The following CDH8 variants were observed in gnomAD, a reference collection of about 807,000 sequenced individuals.
CDH8 encodes cadherin-8.
Under a neutral mutation model 68.1 loss-of-function variants are expected in CDH8, and 17 were observed. The observed-to-expected ratio is 0.25, with a 90% confidence interval of 0.17 to 0.37. The LOEUF (loss-of-function observed/expected upper bound fraction) is 0.37, where lower values mean the gene tolerates loss of function less well. Ranked by LOEUF, CDH8 falls within the 10% of genes least tolerant of loss-of-function variation. The probability of loss-of-function intolerance (pLI) is 1.00; values close to 1 mark genes in which losing one functional copy is unlikely to be tolerated. For synonymous variants in CDH8, 372 were observed against 365.1 expected, an observed-to-expected ratio of 1.02 and a Z score of -0.21; for missense variants, 763 against 999.3, an observed-to-expected ratio of 0.76 and a Z score of 3.19.
At chr16:61,757,359 T>G (rs2142960595) in intron 8 of CDH8, among the ~76,000 whole-genome samples, 1 of 152,176 alleles carries the variant, frequency 6.6e-6, no homozygotes, top group African/African-American at 2.4e-5. Flanking sequence ...TTAAGGTATT[T>G]AAGATGTATT....
At chr16:61,668,683 A>C (rs28481959) in intron 10 of CDH8, among the ~76,000 whole-genome samples, 1 of 151,542 alleles carries the variant, frequency 6.6e-6, no homozygotes, top group Non-Finnish European at 1.5e-5. Context: ...AAAAAAAACA[A>C]ACACACACCA....
intron 2 of CDH8, among the ~76,000 whole-genome samples, chr16:62,010,620 T>G (rs2150603800): frequency 6.6e-6 from 1 of 152,324 alleles, no homozygotes; most frequent in South Asian, 2.1e-4. Context: ...GATACTATCA[T>G]TTTATTCAGG....
intron 10 of CDH8, among the ~76,000 whole-genome samples, chr16:61,663,387 C>A (rs1963606537): frequency 6.6e-6 from 1 of 151,970 alleles, no homozygotes; most frequent in Non-Finnish European, 1.5e-5. Context: ...ATGCTAAAGG[C>A]AGTCATCTTA....
At chr16:62,023,160 A>G (rs1179190595) in intron 1 of CDH8, among the ~76,000 whole-genome samples, 1 of 152,084 alleles carries the variant, frequency 6.6e-6, no homozygotes, top group Non-Finnish European at 1.5e-5. Context: ...AACTAAACAA[A>G]ATTCAAAAAG....
At chr16:61,762,849 T>G (rs1027874601) in intron 8 of CDH8, among the ~76,000 whole-genome samples, 5 of 152,182 alleles carry the variant, frequency 3.3e-5, no homozygotes, top group African/African-American at 4.8e-5. Context: ...ATGTAGAATC[T>G]GCACCCCAAA....
At chr16:61,675,750 A>C (rs1963894889) in intron 10 of CDH8, among the ~76,000 whole-genome samples, 1 of 151,736 alleles carries the variant, frequency 6.6e-6, no homozygotes, top group South Asian at 2.1e-4. Context: ...ATGAGAGCAT[A>C]AAGATGTCTA....
chr16:61,913,352 G>A (rs931570613), intron 2 of CDH8, among the ~76,000 whole-genome samples: 1 of 152,102 alleles, frequency 6.6e-6, no homozygotes, highest in African/African-American at 2.4e-5. Flanking sequence ...TTCAATTAGG[G>A]ATGCTCAATT....
intron 10 of CDH8, among the ~76,000 whole-genome samples, chr16:61,706,229 C>T (rs16963871): frequency 0.12 from 17,865 of 152,150 alleles, 1,192 homozygotes; most frequent in South Asian, 0.17. Flanking sequence ...GAAGCCAATA[C>T]CTGAGTTATT....
At chr16:61,989,229 T>G (rs560368280) in intron 2 of CDH8, among the ~76,000 whole-genome samples, 16 of 152,342 alleles carry the variant, frequency 1.1e-4, no homozygotes, top group African/African-American at 3.6e-4. Context: ...CAAATTTGTA[T>G]TCTTTGGCAA....
chr16:61,994,274 C>T (rs1323551493), intron 2 of CDH8, among the ~76,000 whole-genome samples: 2 of 152,070 alleles, frequency 1.3e-5, no homozygotes. Flanking sequence ...TTAAATTTTG[C>T]TTCTAAAAAG....
At chr16:62,015,788 T>A (rs1003503277) in intron 2 of CDH8, among the ~76,000 whole-genome samples, 2 of 152,080 alleles carry the variant, frequency 1.3e-5, no homozygotes, top group Non-Finnish European at 2.9e-5. Flanking sequence ...CCAGAAAGCT[T>A]CCTTGCCCTC....
chr16:61,655,984 T>G (rs1963439927), intron 10 of CDH8, among the ~76,000 whole-genome samples: 1 of 151,758 alleles, frequency 6.6e-6, no homozygotes, highest in Non-Finnish European at 1.5e-5. Context: ...GCCATTCTCC[T>G]GCCTCAGCCT....
chr16:61,857,391 T>C (rs545305720), intron 3 of CDH8, among the ~76,000 whole-genome samples, 153 bp from the exon 4 acceptor site: 1 of 152,290 alleles, frequency 6.6e-6, no homozygotes, highest in African/African-American at 2.4e-5. Flanking sequence ...TGCTCTCTCA[T>C]AACTTCAACA....
chr16:61,649,984 G>A lies in CDH8; in HGVS notation c.*3624C>T, dbSNP rs1963284869. On this transcript the variant is annotated 3_prime_UTR_variant, in exon 12 of 12. Transcript: ENST00000577390. ...CTTTCTAAGCATTCTTGCTTCACTG[G>A]TGATACCAGTAAATCTAAGTTTCCT... 1 of 151,914 alleles carries A rather than the reference G, an allele frequency of 6.6e-6. No individual in the cohort carries two copies. The highest frequency in any genetic ancestry group is 2.4e-5 in the African/African-American group (1 of 41,362). 9.4% of individuals were successfully genotyped at this position (151,914 alleles called of 1,614,324 possible). A position where few individuals can be genotyped will look rare whatever the true frequency, so the allele number is the denominator to read the frequency against.
chr16:61,722,888 T>G (rs958165540), intron 9 of CDH8, among the ~76,000 whole-genome samples: 1 of 150,638 alleles, frequency 6.6e-6, no homozygotes, highest in Non-Finnish European at 1.5e-5. Context: ...TTGTTTCTCT[T>G]TTTTAACTCA....
At chr16:61,865,948 G>A (rs1597027911) in intron 3 of CDH8, among the ~76,000 whole-genome samples, 2 of 152,260 alleles carry the variant, frequency 1.3e-5, no homozygotes, top group East Asian at 3.9e-4. Context: ...AGGTAGAAAT[G>A]TCATTCATCC....
At chr16:61,871,277 C>T (rs1490270478) in intron 3 of CDH8, among the ~76,000 whole-genome samples, 1 of 151,836 alleles carries the variant, frequency 6.6e-6, no homozygotes, top group African/African-American at 2.4e-5. Flanking sequence ...ACCTCCCAGG[C>T]TCAAGCAATC....
intron 3 of CDH8, among the ~76,000 whole-genome samples, chr16:61,885,756 G>A (rs1375856917): frequency 1.3e-5 from 2 of 149,172 alleles, no homozygotes; most frequent in Non-Finnish European, 1.5e-5. Context: ...TCATTATTCC[G>A]ATTATTCTGT....
At chr16:61,999,880 G>A (rs1965867285) in intron 2 of CDH8, among the ~76,000 whole-genome samples, 2 of 152,054 alleles carry the variant, frequency 1.3e-5, no homozygotes, top group African/African-American at 4.8e-5. Flanking sequence ...TACCACGGTG[G>A]TTTGCTGCAC....
Sources: allele counts gnomAD v4.1 joint callset (sites outside exome capture counted in the v4.1 genomes callset), GRCh38; gene constraint gnomAD v4.1.1; transcripts MANE v1.5; gene names NCBI Gene and HGNC (gene_info 2026-07-23, HGNC 2026-07-21).